RWDD4: variants seen among roughly 807,000 people sequenced by gnomAD.
RWDD4 encodes the protein RWD domain containing 4.
RWDD4 carries 16 observed loss-of-function variants against 30.0 expected under a neutral mutation model. The ratio of observed to expected loss-of-function variants is 0.53; its 90% CI spans 0.36 to 0.81. The LOEUF is 0.81. RWDD4 is among the 30% of genes least tolerant of loss of function. RWDD4 has a pLI of 0.00. For missense variants in RWDD4, 170 were observed against 223.9 expected (o/e 0.76, Z 1.54); for synonymous variants, 45 against 72.1 (o/e 0.62, Z 1.90).
chr4:183,650,987 G>A lies in RWDD4; in HGVS notation c.360C>T (p.Ser120=), dbSNP rs375063529. The change falls in exon 4 of 8, where the codon TCC becomes TCT. Residue 120 remains serine (S), a synonymous_variant. Coordinates refer to ENST00000326397, the MANE Select transcript of RWDD4 (RefSeq NM_152682.4). ...AAAAAAATAATCACATACTCACTGCGGAATTGATGGGATTGTGATTCTCCA... is the reference window on the plus strand; with the variant it reads ...AAAAAAATAATCACATACTCACTGCAGAATTGATGGGATTGTGATTCTCCA... The part of the protein sequence containing the change: ...QFMENHNPIN[S]ATSISNIISI... 50 of 1,608,718 alleles carry A rather than the reference G, an allele frequency of 3.1e-5. No individual in the cohort carries two copies. Among genetic ancestry groups the A allele is most frequent in the Middle Eastern group, 2.2e-4 (1 of 4,562 alleles).
At chr4:183,646,295 T>A in intron 7 of RWDD4, 56 bp downstream of exon 7, 2 of 794,220 alleles carry the variant, frequency 2.5e-6, no homozygotes, top group African/African-American at 1.7e-5. Flanking sequence ...AAAAAAGATC[T>A]AAAATTGAGA....
chr4:183,645,855 T>C (rs1398433612), intron 7 of RWDD4, among the ~76,000 whole-genome samples: 4 of 152,304 alleles, frequency 2.6e-5, no homozygotes, highest in East Asian at 1.9e-4. Flanking sequence ...TTTCCATATA[T>C]TGTTGATAAC....
chr4:183,650,860 G>C, intron 4 of RWDD4, 124 bp downstream of exon 4: 1 of 851,598 alleles, frequency 1.2e-6, no homozygotes, highest in Non-Finnish European at 1.8e-6. Context: ...TTTAACTCAG[G>C]TGTAACTCTC....
chr4:183,643,007 C>T (rs554118182), intron 7 of RWDD4, among the ~76,000 whole-genome samples: 34 of 147,706 alleles, frequency 2.3e-4, no homozygotes, highest in Middle Eastern at 3.6e-3. Flanking sequence ...TGCAGTGAGC[C>T]GAGATCGTGT....
chr4:183,646,079 T>G lies in RWDD4; in HGVS notation c.534+272A>C, dbSNP rs374741603. ...CCACCATGCCCAGCTCATTTTTGTA[T>G]TTTTAGTATAGACAGGGTTTCACCA... On this transcript the variant is annotated intron_variant, in intron 7 of 7. Transcript: ENST00000326397. Among the ~76,000 whole-genome samples, 9 of 152,240 alleles carry G rather than the reference T, an allele frequency of 5.9e-5. No homozygotes were observed. In the South Asian group the frequency reaches 1.9e-3, roughly 32 times the overall value.
chr4:183,656,751 C>T (rs572059491), intron 1 of RWDD4, among the ~76,000 whole-genome samples: 8 of 152,266 alleles, frequency 5.3e-5, no homozygotes, highest in African/African-American at 1.7e-4. Flanking sequence ...ATTGGCTGGG[C>T]GCGGTGGCTC....
chr4:183,641,818 T>C (rs1733861872), intron 7 of RWDD4, among the ~76,000 whole-genome samples: 1 of 152,180 alleles, frequency 6.6e-6, no homozygotes, highest in Non-Finnish European at 1.5e-5. Context: ...CCATCACATA[T>C]TCTTTTTAAA....
Position 183,646,550 on chromosome 4 carries a change from A to G in RWDD4, c.482-13T>C. ...TCTCCTTTGTGATCTAGAAGATAAA[A>G]AATAGTAACTTTATTTCTAAGACCA... On this transcript the variant is annotated splice_polypyrimidine_tract_variant and intron_variant, in intron 5 of 7. Transcript: ENST00000326397. 1 of 1,607,090 alleles carries G rather than the reference A, an allele frequency of 6.2e-7. No individual in the cohort carries two copies. Among genetic ancestry groups the G allele is most frequent in the Admixed American group, 1.7e-5 (1 of 59,016 alleles).
intron 5 of RWDD4, among the ~76,000 whole-genome samples, chr4:183,648,259 A>G (rs564641280): frequency 2.0e-5 from 3 of 151,548 alleles, no homozygotes; most frequent in South Asian, 4.2e-4. Flanking sequence ...AAAAAAAAAA[A>G]AAAAGGCCCT....
rs1733827068 is a variant in RWDD4, at chr4:183,639,970, A to C, written c.*1466T>G. ...TCCACTAGCAGATGTTTCTCCAAAA[A>C]CAAAAAACAAACCAATACAACCACA... On this transcript the variant is annotated 3_prime_UTR_variant, in exon 8 of 8. Transcript: ENST00000326397. The C allele has an allele frequency of 1.3e-5, 2 of 152,260 alleles. No individual in the cohort carries two copies. The highest frequency in any genetic ancestry group is 4.1e-4 in the South Asian group (2 of 4,828). 9.4% of individuals were successfully genotyped at this position (152,260 alleles called of 1,614,324 possible). A position where few individuals can be genotyped will look rare whatever the true frequency, so the allele number is the denominator to read the frequency against.
At position 183,659,021 on chromosome 4, in the gene RWDD4, GC is replaced by G; in HGVS notation, c.-70del. Reference sequence around the variant, plus strand: ...CAACGAAGAGAAAGCGAAGGCAGCGGCCCAGAGGCCGGGCGTCCCCCTTTCG... The same window carrying G: ...CAACGAAGAGAAAGCGAAGGCAGCGGCCAGAGGCCGGGCGTCCCCCTTTCG... On this transcript the variant is annotated 5_prime_UTR_variant, in exon 1 of 8. Transcript: ENST00000326397. The G allele has an allele frequency of 8.5e-7, 1 of 1,180,442 alleles. No homozygotes were observed. Among genetic ancestry groups the G allele is most frequent in the Non-Finnish European group, 1.1e-6 (1 of 936,234 alleles). 73.1% of individuals were successfully genotyped at this position (1,180,442 alleles called of 1,614,324 possible). A position where few individuals can be genotyped will look rare whatever the true frequency, so the allele number is the denominator to read the frequency against.
At chr4:183,656,759 C>T (rs1270287571) in intron 1 of RWDD4, among the ~76,000 whole-genome samples, 1 of 152,222 alleles carries the variant, frequency 6.6e-6, no homozygotes, top group East Asian at 1.9e-4. Flanking sequence ...GGCGCGGTGG[C>T]TCACATCTGT....
chr4:183,651,671 A>G (rs1734079399), intron 2 of RWDD4, among the ~76,000 whole-genome samples: 1 of 152,228 alleles, frequency 6.6e-6, no homozygotes, highest in Admixed American at 6.5e-5. Context: ...TGGGATACAG[A>G]AAGAGAATGG....
intron 2 of RWDD4, among the ~76,000 whole-genome samples, chr4:183,652,707 G>A (rs1165774775): frequency 6.6e-6 from 1 of 151,770 alleles, no homozygotes; most frequent in Non-Finnish European, 1.5e-5. Flanking sequence ...CTGCTCAGGA[G>A]GCTGAGGCAG....
intron 2 of RWDD4, among the ~76,000 whole-genome samples, chr4:183,654,681 G>A (rs531802885): frequency 1.3e-5 from 2 of 152,252 alleles, no homozygotes; most frequent in Admixed American, 1.3e-4. Context: ...AGTAGCAACT[G>A]GATTCAAACC....
In RWDD4 at chr4:183,655,992, A is replaced by C. The variant is rs372382227; in HGVS notation, c.25-31T>G. On this transcript the variant is annotated intron_variant, in intron 1 of 7. Coordinates refer to ENST00000326397, the MANE Select transcript of RWDD4 (RefSeq NM_152682.4). ...ATAAAGAACTGAATGAGTTTTGTTTAGTGGTATAAATGAATTAGAAATAGA... is the reference window on the plus strand; with the variant it reads ...ATAAAGAACTGAATGAGTTTTGTTTCGTGGTATAAATGAATTAGAAATAGA... 1.4e-5 allele frequency: 20 copies of C among 1,441,090 alleles called. No homozygotes were observed. The African/African-American group carries it at 2.3e-4, about 16-fold the overall frequency. The allele number at this position is 1,441,090 out of a possible 1,614,324, so 89.3% of individuals were successfully genotyped here.
chr4:183,652,362 T>A (rs868534354), intron 2 of RWDD4, among the ~76,000 whole-genome samples: 2 of 14,310 alleles, frequency 1.4e-4, no homozygotes, highest in Non-Finnish European at 3.8e-4. Context: ...CTCCCCTGGC[T>A]TTTTTTTTTT....
intron 7 of RWDD4, among the ~76,000 whole-genome samples, chr4:183,642,270 A>G (rs1579121016): frequency 1.1e-5 from 1 of 88,280 alleles, no homozygotes; most frequent in African/African-American, 7.1e-5. Flanking sequence ...GCTCACTGCA[A>G]GCTCCGCCTC....
At chr4:183,653,137 T>C (rs528231597) in intron 2 of RWDD4, among the ~76,000 whole-genome samples, 61 of 152,360 alleles carry the variant, frequency 4.0e-4, no homozygotes, top group African/African-American at 1.4e-3. Flanking sequence ...ACAGAGGTGA[T>C]GTGGCATCTT....
Sources: allele counts gnomAD v4.1 joint callset (sites outside exome capture counted in the v4.1 genomes callset), GRCh38; gene constraint gnomAD v4.1.1; transcripts MANE v1.5; gene names NCBI Gene and HGNC (gene_info 2026-07-23, HGNC 2026-07-21).